BACH2: variants seen among roughly 807,000 people sequenced by gnomAD.
BACH2 encodes the protein BACH transcriptional regulator 2.
In BACH2, 5 loss-of-function variants were observed where a neutral mutation model predicts 61.8. The ratio of observed to expected loss-of-function variants is 0.08; its 90% CI spans 0.04 to 0.17. The LOEUF is 0.17. Ranked by LOEUF, BACH2 falls within the 10% of genes least tolerant of loss-of-function variation. The probability of loss-of-function intolerance (pLI) is 1.00; values close to 1 mark genes in which losing one functional copy is unlikely to be tolerated. For missense variants in BACH2, 824 were observed against 1,091.1 expected (o/e 0.76, Z 3.45); for synonymous variants, 446 against 440.1 (o/e 1.01, Z -0.17).
intron 4 of BACH2, among the ~76,000 whole-genome samples, chr6:90,189,140 G>GA (rs997811437): frequency 1.3e-5 from 2 of 151,950 alleles, no homozygotes; most frequent in African/African-American, 4.8e-5. Context: ...TTCACCAACA[G>GA]AAAAAAACAA....
At chr6:90,141,756 G>C (rs1784469221) in intron 4 of BACH2, among the ~76,000 whole-genome samples, 1 of 152,114 alleles carries the variant, frequency 6.6e-6, no homozygotes, top group East Asian at 1.9e-4. Flanking sequence ...AGGTTGATTT[G>C]TAAGTGTTTT....
Position 89,928,897 on chromosome 6 carries a change from T to G in BACH2, c.*3511A>C, listed in dbSNP as rs1772489916. ...TTTTTTTAAAGTTTTTCTAACTGTT[T>G]TGTTCCAGAATCAGTATGTAATAAA... On this transcript the variant is annotated 3_prime_UTR_variant, in exon 9 of 9. Coordinates refer to ENST00000257749, the MANE Select transcript of BACH2 (RefSeq NM_021813.4). 6.6e-6 allele frequency: 1 copy of G among 152,458 alleles called. No homozygotes were observed. Among genetic ancestry groups the G allele is most frequent in the African/African-American group, 2.4e-5 (1 of 41,302 alleles). The allele number at this position is 152,458 out of a possible 1,614,324, so 9.4% of individuals were successfully genotyped here. A position where few individuals can be genotyped will look rare whatever the true frequency, so the allele number is the denominator to read the frequency against.
At chr6:90,284,734 TAA>T (rs566757995) in intron 1 of BACH2, among the ~76,000 whole-genome samples, 3 of 145,684 alleles carry the variant, frequency 2.1e-5, no homozygotes, top group African/African-American at 7.5e-5. Context: ...ATCAAGAGAT[TAA>T]AAAAAAAAAG....
intron 3 of BACH2, among the ~76,000 whole-genome samples, chr6:90,207,557 C>G (rs954310892): frequency 6.6e-6 from 1 of 152,094 alleles, no homozygotes; most frequent in Non-Finnish European, 1.5e-5. Context: ...GTTCCTGATA[C>G]TCAATTTGTG....
chr6:89,979,228 C>T (rs1775821021), intron 6 of BACH2, among the ~76,000 whole-genome samples: 1 of 152,178 alleles, frequency 6.6e-6, no homozygotes, highest in Non-Finnish European at 1.5e-5. Flanking sequence ...GGTTTCAATC[C>T]TTCCTCTCAT....
rs932360002 is a variant in BACH2 at position 89,943,410 on chromosome 6, A to G, written c.1837-5060T>C. 5.3e-5 allele frequency among the ~76,000 whole-genome samples: 8 copies of G among 151,976 alleles called. No homozygotes were observed. In the South Asian group the frequency reaches 6.2e-4, roughly 12 times the overall value. On this transcript the variant is annotated intron_variant, in intron 7 of 8. Coordinates refer to ENST00000257749, the MANE Select transcript of BACH2 (RefSeq NM_021813.4). ...TTAAAAGGAAACATTGAAAAATTAT[A>G]TAAGTATTATATAATTATAGATTAT...
At chr6:90,219,508 C>G (rs1441106765) in intron 3 of BACH2, among the ~76,000 whole-genome samples, 1 of 152,152 alleles carries the variant, frequency 6.6e-6, no homozygotes, top group African/African-American at 2.4e-5. Flanking sequence ...GTTCCTTCTG[C>G]TAAAGAATTC....
intron 1 of BACH2, among the ~76,000 whole-genome samples, chr6:90,286,661 A>C (rs1382684284): frequency 6.6e-6 from 1 of 152,254 alleles, no homozygotes; most frequent in East Asian, 1.9e-4. Context: ...CAGTCTTCCA[A>C]GTGACACTTT....
At chr6:90,285,410 G>A (rs1771989918) in intron 1 of BACH2, among the ~76,000 whole-genome samples, 1 of 152,152 alleles carries the variant, frequency 6.6e-6, no homozygotes, top group Non-Finnish European at 1.5e-5. Context: ...GTTACGCCAA[G>A]AAAGCCTAAC....
intron 6 of BACH2, among the ~76,000 whole-genome samples, chr6:89,971,802 C>T (rs1049395679): frequency 6.6e-6 from 1 of 152,122 alleles, no homozygotes; most frequent in Non-Finnish European, 1.5e-5. Context: ...TTATTCACTA[C>T]CAGGAGAACA....
intron 6 of BACH2, among the ~76,000 whole-genome samples, chr6:90,002,902 G>C (rs1434065338): frequency 2.0e-5 from 3 of 152,140 alleles, no homozygotes; most frequent in Admixed American, 6.6e-5. Context: ...CCTAAGCCTG[G>C]ATGTTATCTG....
intron 2 of BACH2, among the ~76,000 whole-genome samples, chr6:90,256,724 T>C (rs1770991555): frequency 6.6e-6 from 1 of 152,206 alleles, no homozygotes; most frequent in South Asian, 2.1e-4. Flanking sequence ...CAAATTAACA[T>C]ATCCATCATC....
intron 1 of BACH2, among the ~76,000 whole-genome samples, chr6:90,289,794 C>T (rs954833010): frequency 5.3e-5 from 8 of 152,240 alleles, no homozygotes; most frequent in African/African-American, 1.9e-4. Flanking sequence ...TGGAGACCCT[C>T]TGCTCTGGAG....
intron 4 of BACH2, among the ~76,000 whole-genome samples, chr6:90,126,316 G>A (rs1461779349): frequency 6.6e-6 from 1 of 152,166 alleles, no homozygotes; most frequent in Non-Finnish European, 1.5e-5. Flanking sequence ...TAGGGACTCG[G>A]GAACACATCT....
chr6:90,032,755 G>C (rs946807797), intron 5 of BACH2, among the ~76,000 whole-genome samples: 2 of 152,182 alleles, frequency 1.3e-5, no homozygotes, highest in African/African-American at 4.8e-5. Flanking sequence ...TTACACTGTT[G>C]GTGGGACTGT....
intron 4 of BACH2, among the ~76,000 whole-genome samples, chr6:90,147,462 C>A (rs1482009368): frequency 1.3e-5 from 2 of 152,294 alleles, no homozygotes; most frequent in East Asian, 3.9e-4. Flanking sequence ...ACTTGGAGAG[C>A]CGTTCCGCGG....
intron 4 of BACH2, among the ~76,000 whole-genome samples, chr6:90,097,233 C>T (rs1782416456): frequency 6.6e-6 from 1 of 151,960 alleles, no homozygotes; most frequent in African/African-American, 2.4e-5. Context: ...AGCCCGTGGA[C>T]TACATCTGTC....
At chr6:90,083,499 C>T (rs1210648312) in intron 5 of BACH2, among the ~76,000 whole-genome samples, 21 of 152,120 alleles carry the variant, frequency 1.4e-4, no homozygotes, top group Admixed American at 1.4e-3. Flanking sequence ...TACAAATAAT[C>T]ATATCATAGG....
intron 4 of BACH2, among the ~76,000 whole-genome samples, chr6:90,158,116 G>A (rs889848268): frequency 9.9e-5 from 15 of 152,082 alleles, no homozygotes; most frequent in African/African-American, 3.6e-4. Context: ...GTAGAAGGAT[G>A]GGGTATGGCA....
Sources: gnomAD v4.1 joint callset for allele counts (sites outside exome capture counted in the v4.1 genomes callset) on GRCh38, gnomAD v4.1.1 for gene constraint, MANE v1.5 for transcripts, NCBI Gene and HGNC (gene_info 2026-07-23, HGNC 2026-07-21) for gene names.